The following ZEB1 variants were observed in gnomAD, a reference collection of about 807,000 sequenced individuals.
The protein encoded by ZEB1 is zinc finger E-box binding homeobox 1, also known as zinc finger E-box-binding homeobox 1.
A neutral mutation model predicts 84.9 loss-of-function variants in ZEB1; 21 were observed. The ratio of observed to expected loss-of-function variants is 0.25; its 90% CI spans 0.18 to 0.36. ZEB1 has a LOEUF of 0.36. Among genes scored for constraint, ZEB1 ranks in the 10% least tolerant of loss-of-function variants. The pLI, the probability that ZEB1 is intolerant of heterozygous loss-of-function variation, is 1.00. For synonymous variants in ZEB1, 420 were observed against 471.1 expected, an observed-to-expected ratio of 0.89 and a Z score of 1.41; for missense variants, 1,104 against 1,330.2, an observed-to-expected ratio of 0.83 and a Z score of 2.65.
At chr10:31,363,005 G>A (rs1199404373) in intron 1 of ZEB1, 20 of 1,533,776 alleles carry the variant, frequency 1.3e-5, no homozygotes, top group East Asian at 1.2e-4. Context: ...GGTGGGGGCC[G>A]CTCGTCTCTA....
At chr10:31,402,572 C>A (rs1349936849) in intron 1 of ZEB1, among the ~76,000 whole-genome samples, 3 of 151,864 alleles carry the variant, frequency 2.0e-5, no homozygotes, top group Non-Finnish European at 4.4e-5. Flanking sequence ...AGTTTTCTCA[C>A]CTGTAAAATA....
chr10:31,439,978 G>A lies in ZEB1; in HGVS notation c.59-21059G>A, dbSNP rs570854853. On this transcript the variant is annotated intron_variant, in intron 1 of 8. Coordinates refer to ENST00000424869, the MANE Select transcript of ZEB1 (RefSeq NM_001174096.2). The stretch of plus-strand genomic sequence containing the variant: ...GAGAACTGACTACAGGAAGACAAAG[G>A]TGGCAGCACGGAGACCAGATAGGAA... Among the ~76,000 whole-genome samples the A allele has an allele frequency of 3.7e-4, 57 of 152,212 alleles. 1 individual carries two copies. The highest frequency in any genetic ancestry group is 2.8e-3 in the Admixed American group (43 of 15,282).
chr10:31,369,337 A>G (rs974867443), intron 1 of ZEB1, among the ~76,000 whole-genome samples: 4 of 152,162 alleles, frequency 2.6e-5, no homozygotes, highest in Admixed American at 6.5e-5. Flanking sequence ...GAAACTTCAT[A>G]CCCCTTGATC....
At chr10:31,428,040 G>A (rs1203104636) in intron 1 of ZEB1, among the ~76,000 whole-genome samples, 1 of 151,986 alleles carries the variant, frequency 6.6e-6, no homozygotes, top group Non-Finnish European at 1.5e-5. Context: ...TTGATCTTTT[G>A]AATGTTTTTT....
At chr10:31,479,108 T>C (rs775171053) in intron 2 of ZEB1, among the ~76,000 whole-genome samples, 10 of 151,880 alleles carry the variant, frequency 6.6e-5, no homozygotes, top group Non-Finnish European at 1.3e-4. Flanking sequence ...GAGACTGTTA[T>C]GAACAGTTAT....
At chr10:31,336,487 ATGACTT>A (rs2038086994) in intron 1 of ZEB1, among the ~76,000 whole-genome samples, 1 of 152,188 alleles carries the variant, frequency 6.6e-6, no homozygotes, top group Non-Finnish European at 1.5e-5. Flanking sequence ...GAATATCTCT[ATGACTT>A]TGAGTAAAGA....
Position 31,477,969 on chromosome 10 carries a change from A to G in ZEB1, c.259+16732A>G, listed in dbSNP as rs561694121. Among the ~76,000 whole-genome samples the G allele has an allele frequency of 1.1e-4, 17 of 152,148 alleles. No homozygotes were observed. The South Asian group carries it at 3.5e-3, about 32-fold the overall frequency. On this transcript the variant is annotated intron_variant, in intron 2 of 8. Coordinates refer to ENST00000424869, the MANE Select transcript of ZEB1 (RefSeq NM_001174096.2). ...TGGCTTAGGCAAAGAATTTATGACT[A>G]AGACCCCAAAAGAAAATAAAACAAG... is the stretch of plus-strand genomic sequence containing the variant.
Position 31,529,075 on chromosome 10 carries a change from G to C in ZEB1, c.*1811G>C, listed in dbSNP as rs1834667412. 2 of 152,178 alleles carry C rather than the reference G, an allele frequency of 1.3e-5. No individual in the cohort carries two copies. Among genetic ancestry groups the C allele is most frequent in the East Asian group, 3.9e-4 (2 of 5,190 alleles). The allele number at this position is 152,178 out of a possible 1,614,324, so 9.4% of individuals were successfully genotyped here. On this transcript the variant is annotated 3_prime_UTR_variant, in exon 9 of 9. Coordinates refer to ENST00000424869, the MANE Select transcript of ZEB1 (RefSeq NM_001174096.2). ...AATGTTTAACATTTTGTGCCAATTT[G>C]TTCCTGTATTCATGTATGTAAGTTA... is the stretch of plus-strand genomic sequence containing the variant.
At chr10:31,367,593 G>A (rs2044775492) in intron 1 of ZEB1, among the ~76,000 whole-genome samples, 1 of 152,162 alleles carries the variant, frequency 6.6e-6, no homozygotes, top group African/African-American at 2.4e-5. Context: ...TATAAATTAA[G>A]TAACTTGTCG....
chr10:31,386,526 A>G (rs945699889), intron 1 of ZEB1, among the ~76,000 whole-genome samples: 18 of 152,120 alleles, frequency 1.2e-4, no homozygotes, highest in African/African-American at 4.3e-4. Context: ...TCTATGTACC[A>G]GGACCTATTT....
chr10:31,478,823 A>G (rs916618327), intron 2 of ZEB1, among the ~76,000 whole-genome samples: 1 of 151,914 alleles, frequency 6.6e-6, no homozygotes, highest in Non-Finnish European at 1.5e-5. Context: ...ATATAGATGC[A>G]AAGATGTAAA....
intron 1 of ZEB1, among the ~76,000 whole-genome samples, chr10:31,346,975 A>T (rs540059546): frequency 3.9e-4 from 59 of 152,238 alleles, no homozygotes; most frequent in African/African-American, 1.4e-3. Context: ...GGTGCTTTAA[A>T]GGAGGACTTT....
intron 1 of ZEB1, among the ~76,000 whole-genome samples, chr10:31,382,931 T>C (rs1248606081): frequency 6.6e-6 from 1 of 152,030 alleles, no homozygotes; most frequent in Admixed American, 6.6e-5. Flanking sequence ...TTTCATTGTA[T>C]TAAAGGACAT....
intron 1 of ZEB1, among the ~76,000 whole-genome samples, chr10:31,358,757 CTG>C: frequency 6.6e-6 from 1 of 152,108 alleles, no homozygotes; most frequent in Non-Finnish European, 1.5e-5. Context: ...TTTTAAGAAT[CTG>C]TTATTTTGGC....
chr10:31,505,341 T>C (rs539374928), intron 4 of ZEB1, among the ~76,000 whole-genome samples: 3 of 152,156 alleles, frequency 2.0e-5, no homozygotes, highest in Non-Finnish European at 2.9e-5. Flanking sequence ...TTCAGTTTTT[T>C]GGAATAGTTT....
chr10:31,375,720 A>T (rs762154408), intron 1 of ZEB1, among the ~76,000 whole-genome samples: 2 of 151,784 alleles, frequency 1.3e-5, no homozygotes, highest in African/African-American at 2.4e-5. Context: ...ATGAGTTGCG[A>T]ATTACAGTGG....
At chr10:31,408,764 A>T (rs905285947) in intron 1 of ZEB1, among the ~76,000 whole-genome samples, 3 of 149,314 alleles carry the variant, frequency 2.0e-5, no homozygotes, top group African/African-American at 5.1e-5. Context: ...TTAAAGACTT[A>T]AACGTTAGAC....
In ZEB1 at chr10:31,519,574, A is replaced by G. The variant is rs538591307; in HGVS notation, c.794-552A>G. Among the ~76,000 whole-genome samples, 12 of 152,340 alleles carry G rather than the reference A, an allele frequency of 7.9e-5. No individual in the cohort carries two copies. In the South Asian group the frequency reaches 2.3e-3, roughly 29 times the overall value. ...ATATACATTTCAGTTTAATAAGCCA[A>G]TGCTTATAGAATATCTTATATAAGT... On this transcript the variant is annotated intron_variant, in intron 6 of 8. Transcript: ENST00000424869.
intron 1 of ZEB1, chr10:31,373,088 A>G: frequency 1.0e-6 from 1 of 985,516 alleles, no homozygotes; most frequent in Middle Eastern, 5.2e-4. Flanking sequence ...TCCAAATGTC[A>G]TTTTGTGATT....
Sources: allele counts gnomAD v4.1 joint callset (sites outside exome capture counted in the v4.1 genomes callset), GRCh38; gene constraint gnomAD v4.1.1; transcripts MANE v1.5; gene names NCBI Gene and HGNC (gene_info 2026-07-23, HGNC 2026-07-21).